ATAD5: variants seen among roughly 807,000 people sequenced by gnomAD.
ATAD5 encodes ATPase family AAA domain containing 5.
A neutral mutation model predicts 176.9 loss-of-function variants in ATAD5; 58 were observed. The ratio of observed to expected loss-of-function variants is 0.33; its 90% CI spans 0.27 to 0.41. The LOEUF (loss-of-function observed/expected upper bound fraction) is 0.41. ATAD5 is among the 10% of genes least tolerant of loss of function. ATAD5 has a pLI of 1.00. For synonymous variants in ATAD5, 640 were observed against 712.6 expected, an observed-to-expected ratio of 0.90 and a Z score of 1.62; for missense variants, 1,789 against 2,094.1, an observed-to-expected ratio of 0.85 and a Z score of 2.84.
chr17:30,883,705 C>A (rs1007888314), intron 18 of ATAD5, among the ~76,000 whole-genome samples: 1 of 151,928 alleles, frequency 6.6e-6, no homozygotes, highest in Non-Finnish European at 1.5e-5. Flanking sequence ...TGCCACCATG[C>A]CCGGCTAATA....
chr17:30,868,159 A>G (rs547834063), intron 11 of ATAD5, among the ~76,000 whole-genome samples, 174 bp from the exon 12 acceptor site: 1 of 152,246 alleles, frequency 6.6e-6, no homozygotes, highest in Non-Finnish European at 1.5e-5. Flanking sequence ...GAAACTAACA[A>G]TATGCCATAT....
At chr17:30,838,536 A>G (rs1307186138) in intron 3 of ATAD5, among the ~76,000 whole-genome samples, 1 of 152,204 alleles carries the variant, frequency 6.6e-6, no homozygotes, top group Non-Finnish European at 1.5e-5. Flanking sequence ...TGTCTTTCCT[A>G]GAGTTATACA....
At chr17:30,863,997 C>G (rs1907825576) in intron 10 of ATAD5, 2 of 152,170 alleles carry the variant, frequency 1.3e-5, no homozygotes, top group African/African-American at 2.4e-5. Context: ...GATGGGGTTT[C>G]ACCATGTTGG....
At chr17:30,872,090 T>A (rs1036259557) in intron 14 of ATAD5, among the ~76,000 whole-genome samples, 4 of 151,564 alleles carry the variant, frequency 2.6e-5, no homozygotes, top group Non-Finnish European at 4.4e-5. Flanking sequence ...TTAAAAGAAA[T>A]TTTTTTTTGT....
rs1247527055 is a variant in ATAD5 at position 30,893,146 on chromosome 17, ATATAT to A, written c.4441-145_4441-141del. On this transcript the variant is annotated intron_variant, in intron 20 of 22. Coordinates refer to ENST00000321990, the MANE Select transcript of ATAD5 (RefSeq NM_024857.5). The stretch of plus-strand genomic sequence containing the variant: ...AATTTTTAGACATAGTACTATTTTG[ATATAT>A]TAAATATAGATAAATAAAATTATGA... 5.3e-6 allele frequency: 4 copies of A among 760,698 alleles called. No individual in the cohort carries two copies. In the African/African-American group the frequency reaches 7.4e-5, roughly 14 times the overall value. 47.1% of individuals were successfully genotyped at this position (760,698 alleles called of 1,614,324 possible).
In ATAD5 at chr17:30,832,237, C is replaced by G. The variant is rs2142292499; in HGVS notation, c.-111C>G. On this transcript the variant is annotated 5_prime_UTR_variant, in exon 1 of 23. Coordinates refer to ENST00000321990, the MANE Select transcript of ATAD5 (RefSeq NM_024857.5). ...CGCGGGGGAATCCGAAACGGCTCAG[C>G]AGAATCCCAGCAGCTTGCTGCTACT... The G allele has an allele frequency of 1.0e-6, 1 of 1,003,120 alleles. No individual in the cohort carries two copies. The highest frequency in any genetic ancestry group is 2.9e-5 in the East Asian group (1 of 34,312). 62.1% of individuals were successfully genotyped at this position (1,003,120 alleles called of 1,614,324 possible).
chr17:30,894,816 T>G lies in ATAD5; in HGVS notation c.5457-19T>G, dbSNP rs752554449. ...AAAATGTTAATATTAAATTGTATTT[T>G]TCTTTGTAATTTTGACAGATTCCTG... On this transcript the variant is annotated intron_variant, in intron 22 of 22. Coordinates refer to ENST00000321990, the MANE Select transcript of ATAD5 (RefSeq NM_024857.5). The G allele has an allele frequency of 6.4e-7, 1 of 1,574,004 alleles. No homozygotes were observed. Among genetic ancestry groups the G allele is most frequent in the Non-Finnish European group, 8.6e-7 (1 of 1,164,390 alleles).
intron 21 of ATAD5, 60 bp downstream of exon 21, chr17:30,894,210 T>C: frequency 7.6e-7 from 1 of 1,318,228 alleles, no homozygotes; most frequent in Non-Finnish European, 1.0e-6. Context: ...GGGAAATCAA[T>C]AGAGTTTTTT....
At chr17:30,861,024 C>T (rs554795033) in intron 10 of ATAD5, among the ~76,000 whole-genome samples, 11 of 152,080 alleles carry the variant, frequency 7.2e-5, no homozygotes, top group South Asian at 4.2e-4. Context: ...AGGCTGGTCT[C>T]GAACTCCTGA....
intron 18 of ATAD5, 58 bp from the exon 19 acceptor site, chr17:30,887,134 T>G (rs1335473218): frequency 2.1e-6 from 3 of 1,404,854 alleles, no homozygotes. Flanking sequence ...TTTGTATGTA[T>G]TATTGCTGTA....
intron 6 of ATAD5, among the ~76,000 whole-genome samples, chr17:30,847,865 G>A (rs192886743): frequency 2.2e-4 from 33 of 150,070 alleles, no homozygotes; most frequent in East Asian, 1.4e-3. Flanking sequence ...GACTGCAGGC[G>A]CCTGTCACCA....
chr17:30,877,355 C>A, intron 15 of ATAD5, 61 bp from the exon 16 acceptor site: 2 of 1,140,628 alleles, frequency 1.8e-6, no homozygotes, highest in Non-Finnish European at 2.5e-6. Context: ...ATTCTGTGGA[C>A]ATATCCAATG....
chr17:30,842,541 A>C (rs1244834549), intron 4 of ATAD5, among the ~76,000 whole-genome samples: 1 of 152,122 alleles, frequency 6.6e-6, no homozygotes. Context: ...AATTTCTTCT[A>C]TATTGCTTCA....
intron 3 of ATAD5, among the ~76,000 whole-genome samples, chr17:30,838,135 G>A (rs937401748): frequency 1.4e-4 from 21 of 152,130 alleles, no homozygotes; most frequent in African/African-American, 5.1e-4. Context: ...AATATCCCTC[G>A]GAGGGGAAAA....
At chr17:30,860,973 C>T (rs1907596164) in intron 10 of ATAD5, among the ~76,000 whole-genome samples, 1 of 151,950 alleles carries the variant, frequency 6.6e-6, no homozygotes, top group African/African-American at 2.4e-5. Context: ...ACCATCATGC[C>T]CAGCTAACTT....
chr17:30,850,831 TTTTATATATATATATATATATA>T lies in ATAD5; in HGVS notation c.2451-4310_2451-4289del, dbSNP rs1394434300. Among the ~76,000 whole-genome samples the T allele has an allele frequency of 3.1e-3, 196 of 62,604 alleles. 3 individuals carry two copies. The Middle Eastern group carries it at 0.033, about 10-fold the overall frequency. 41.1% of individuals were successfully genotyped at this position (62,604 alleles called of 152,430 possible). ...GAAATTATTATTTATATTTATATAT[TTTTATATATATATATATATATA>T]TATATATATATATATATTTTTTTTT... On this transcript the variant is annotated intron_variant, in intron 6 of 22. Transcript: ENST00000321990.
In ATAD5 at chr17:30,860,504, A is replaced by G. The variant is rs774097995; in HGVS notation, c.3028A>G (p.Arg1010Gly). Reference sequence around the variant, plus strand: ...AGAAGCAGAAAATTCTAAGTCAAAAAGAAAGAAACCAAATGAGTATTCAAA... The same window carrying G: ...AGAAGCAGAAAATTCTAAGTCAAAAGGAAAGAAACCAAATGAGTATTCAAA... ...LVEAENSKSK[R>G]KKPNEYSKNL... Residue 1010 changes from arginine (R) to glycine (G), a missense_variant, in exon 10 of 23, where the codon AGA (arginine) becomes GGA (glycine). Arg to Gly is a moderately radical substitution (Grantham distance 125). This residue lies in a region of ATAD5 where 487 missense variants were observed against 573.6 expected (regional missense o/e 0.85). Transcript: ENST00000321990. The G allele has an allele frequency of 1.9e-6, 3 of 1,601,248 alleles. No individual in the cohort carries two copies. The highest frequency in any genetic ancestry group is 2.5e-6 in the Non-Finnish European group (3 of 1,177,502).
intron 5 of ATAD5, among the ~76,000 whole-genome samples, chr17:30,844,617 A>T (rs925409794): frequency 3.4e-5 from 5 of 147,362 alleles, no homozygotes; most frequent in Admixed American, 6.9e-5. Context: ...GTGTGGTGGT[A>T]GGTACCCGTA....
chr17:30,870,431 G>A (rs1908270517), intron 14 of ATAD5, among the ~76,000 whole-genome samples: 1 of 151,980 alleles, frequency 6.6e-6, no homozygotes, highest in African/African-American at 2.4e-5. Context: ...CTGGCAGTTA[G>A]ATCTATGGGC....
Sources: allele counts gnomAD v4.1 joint callset (sites outside exome capture counted in the v4.1 genomes callset), GRCh38; gene constraint gnomAD v4.1.1; regional missense constraint gnomAD v4.1.1; transcripts MANE v1.5; gene names NCBI Gene and HGNC (gene_info 2026-07-23, HGNC 2026-07-21).